AASDHPPT: variants seen among roughly 807,000 people sequenced by gnomAD.
The protein encoded by AASDHPPT is L-aminoadipate-semialdehyde dehydrogenase-phosphopantetheinyl transferase.
Under a neutral mutation model 36.4 loss-of-function variants are expected in AASDHPPT, and 23 were observed. The observed-to-expected ratio is 0.63, with a 90% CI of 0.45 to 0.89. The LOEUF (loss-of-function observed/expected upper bound fraction) is 0.89. Ranked by LOEUF, AASDHPPT falls within the 40% of genes least tolerant of loss-of-function variation. AASDHPPT has a pLI of 0.00. For synonymous variants in AASDHPPT, 115 were observed against 128.0 expected (o/e 0.90, Z 0.68); for missense variants, 377 against 378.2 (o/e 1.00, Z 0.03).
intron 2 of AASDHPPT, among the ~76,000 whole-genome samples, chr11:106,082,462 A>G (rs191943913): frequency 6.6e-6 from 1 of 152,200 alleles, no homozygotes; most frequent in Non-Finnish European, 1.5e-5. Context: ...TCTGTTTTGT[A>G]CTAGGCATTG....
At chr11:106,085,353 G>A (rs550834367) in intron 2 of AASDHPPT, among the ~76,000 whole-genome samples, 1 of 152,040 alleles carries the variant, frequency 6.6e-6, no homozygotes, top group African/African-American at 2.4e-5. Context: ...TACCCGCCTC[G>A]GCCTCCCAAA....
chr11:106,082,594 AG>A (rs1305620280), intron 2 of AASDHPPT, among the ~76,000 whole-genome samples: 1 of 152,092 alleles, frequency 6.6e-6, no homozygotes, highest in Non-Finnish European at 1.5e-5. Context: ...GAACTCAGAG[AG>A]TCTTTTTCTT....
chr11:106,088,765 C>A (rs1255936247), intron 2 of AASDHPPT, among the ~76,000 whole-genome samples: 1 of 151,868 alleles, frequency 6.6e-6, no homozygotes, highest in Non-Finnish European at 1.5e-5. Context: ...GATCCATGGC[C>A]CCAAAAGGGG....
Position 106,077,771 on chromosome 11 carries a change from T to C in AASDHPPT, c.61T>C (p.Phe21Leu). The change falls in exon 1 of 6, where the codon TTT becomes CTT. Residue 21 changes from phenylalanine (F) to leucine (L), a missense_variant. Coordinates refer to ENST00000278618, the MANE Select transcript of AASDHPPT (RefSeq NM_015423.3). ...VPSMEGVRWA[F>L]SCGTWLPSRA... ...ATCCATGGAGGGCGTGCGCTGGGCCTTTTCCTGCGGCACTTGGCTGCCGAG... is the reference window on the plus strand; with the variant it reads ...ATCCATGGAGGGCGTGCGCTGGGCCCTTTCCTGCGGCACTTGGCTGCCGAG... 6.2e-7 allele frequency: 1 copy of C among 1,614,066 alleles called. No individual in the cohort carries two copies. Among genetic ancestry groups the C allele is most frequent in the Non-Finnish European group, 8.5e-7 (1 of 1,179,948 alleles).
At chr11:106,081,831 G>A (rs1861144443) in intron 2 of AASDHPPT, among the ~76,000 whole-genome samples, 1 of 151,876 alleles carries the variant, frequency 6.6e-6, no homozygotes, top group Non-Finnish European at 1.5e-5. Context: ...ACACAGGAAG[G>A]GGAACATCAC....
chr11:106,088,148 C>G (rs147929753), intron 2 of AASDHPPT, among the ~76,000 whole-genome samples: 20 of 151,964 alleles, frequency 1.3e-4, no homozygotes, highest in Admixed American at 1.3e-4. Flanking sequence ...GCACTCGTAT[C>G]GGATATTTTT....
chr11:106,087,272 G>A (rs1434772450), intron 2 of AASDHPPT, among the ~76,000 whole-genome samples: 2 of 152,082 alleles, frequency 1.3e-5, no homozygotes, highest in Admixed American at 1.3e-4. Context: ...GTTATTCTAG[G>A]TTTTTGTCTG....
chr11:106,096,715 A>G, intron 5 of AASDHPPT, 28 bp from the exon 6 acceptor site: 1 of 1,536,776 alleles, frequency 6.5e-7, no homozygotes. Context: ...GCAATATAAC[A>G]ATAAGGTAAT....
At chr11:106,094,734 T>TGA in intron 5 of AASDHPPT, 80 bp downstream of exon 5, 1 of 1,103,670 alleles carries the variant, frequency 9.1e-7, no homozygotes, top group South Asian at 1.6e-5. Context: ...AAATAGTCAT[T>TGA]TGCCTTATAT....
At chr11:106,083,813 T>C (rs2135038215) in intron 2 of AASDHPPT, among the ~76,000 whole-genome samples, 1 of 152,248 alleles carries the variant, frequency 6.6e-6, no homozygotes, top group Non-Finnish European at 1.5e-5. Context: ...GGACAAAATA[T>C]AGTTGACTAT....
Position 106,077,834 on chromosome 11 carries a change from C to A in AASDHPPT, c.124C>A (p.Pro42Thr). 6.2e-7 allele frequency: 1 copy of A among 1,614,170 alleles called. No homozygotes were observed. The highest frequency in any genetic ancestry group is 8.5e-7 in the Non-Finnish European group (1 of 1,180,004). Reference sequence around the variant, plus strand: ...GCTGCTGGCAGTGCGATCGATTCAGCCCGAGGAGAAGGAGCGCATTGGCCA... The same window carrying A: ...GCTGCTGGCAGTGCGATCGATTCAGACCGAGGAGAAGGAGCGCATTGGCCA... ...EWLLAVRSIQ[P>T]EEKERIGQFV... The change falls in exon 1 of 6, where the codon CCC becomes ACC. Residue 42 changes from proline to threonine, a missense_variant. Coordinates refer to ENST00000278618, the MANE Select transcript of AASDHPPT (RefSeq NM_015423.3).
chr11:106,097,348 C>T lies in AASDHPPT; in HGVS notation c.*441C>T, dbSNP rs1396592509. The T allele has an allele frequency of 6.1e-6, 1 of 163,162 alleles. No homozygotes were observed. The highest frequency in any genetic ancestry group is 1.3e-5 in the Non-Finnish European group (1 of 76,046). 10.1% of individuals were successfully genotyped at this position (163,162 alleles called of 1,614,324 possible). On this transcript the variant is annotated 3_prime_UTR_variant, in exon 6 of 6. Coordinates refer to ENST00000278618, the MANE Select transcript of AASDHPPT (RefSeq NM_015423.3). ...GTTTTGTAAATTCTTTTTAACTGCA[C>T]ATCTACTGTTCATAAATATACCTCT...
chr11:106,098,138 C>T lies in AASDHPPT; in HGVS notation c.*1231C>T, dbSNP rs2135048244. The T allele has an allele frequency of 6.6e-6, 1 of 152,064 alleles. No homozygotes were observed. The highest frequency in any genetic ancestry group is 1.9e-4 in the East Asian group (1 of 5,172). The allele number at this position is 152,064 out of a possible 1,614,324, so 9.4% of individuals were successfully genotyped here. A position where few individuals can be genotyped will look rare whatever the true frequency, so the allele number is the denominator to read the frequency against. ...TACTCCTTGGTCAATTGTAGGTATT[C>T]TTTTTGGTTTAATTTTTGCCAATGT... On this transcript the variant is annotated 3_prime_UTR_variant, in exon 6 of 6. Transcript: ENST00000278618.
In AASDHPPT at chr11:106,077,745, C is replaced by T. The variant is rs370780651; in HGVS notation, c.35C>T (p.Pro12Leu). ...CCTGCCAAACGGTTCTGCTTGGTGC[C>T]ATCCATGGAGGGCGTGCGCTGGGCC... ...VFPAKRFCLV[P>L]SMEGVRWAFS... Residue 12 changes from proline to leucine, a missense_variant, in exon 1 of 6, where the codon CCA (proline) becomes CTA (leucine). Coordinates refer to ENST00000278618, the MANE Select transcript of AASDHPPT (RefSeq NM_015423.3). 2.7e-5 allele frequency: 44 copies of T among 1,614,008 alleles called. No individual in the cohort carries two copies. The highest frequency in any genetic ancestry group is 2.5e-4 in the African/African-American group (19 of 74,936).
At chr11:106,088,352 GAC>G (rs1365333647) in intron 2 of AASDHPPT, among the ~76,000 whole-genome samples, 2 of 151,960 alleles carry the variant, frequency 1.3e-5, no homozygotes, top group African/African-American at 2.4e-5. Flanking sequence ...CAAGCAGAAT[GAC>G]ACTATAGATG....
intron 2 of AASDHPPT, among the ~76,000 whole-genome samples, chr11:106,086,619 A>T (rs1861200840): frequency 6.6e-6 from 1 of 152,170 alleles, no homozygotes; most frequent in Non-Finnish European, 1.5e-5. Context: ...TTCTCAGCCC[A>T]TTCCAGCATT....
In AASDHPPT at chr11:106,077,709, G is replaced by C. The variant is rs1861070569; in HGVS notation, c.-2G>C. ...GATAGCGGCGAGGTCCGCTTTCAGT[G>C]TATGGTTTTCCCTGCCAAACGGTTC... On this transcript the variant is annotated 5_prime_UTR_variant, in exon 1 of 6. Coordinates refer to ENST00000278618, the MANE Select transcript of AASDHPPT (RefSeq NM_015423.3). 6.2e-7 allele frequency: 1 copy of C among 1,613,232 alleles called. No homozygotes were observed. Among genetic ancestry groups the C allele is most frequent in the African/African-American group, 1.3e-5 (1 of 75,048 alleles).
chr11:106,081,906 T>G (rs554935387), intron 2 of AASDHPPT, among the ~76,000 whole-genome samples: 1 of 152,054 alleles, frequency 6.6e-6, no homozygotes, highest in African/African-American at 2.4e-5. Context: ...CACCTAATGC[T>G]AAATGATGAG....
intron 1 of AASDHPPT, 92 bp downstream of exon 1, chr11:106,077,985 C>A: frequency 6.9e-7 from 1 of 1,446,248 alleles, no homozygotes; most frequent in East Asian, 2.4e-5. Flanking sequence ...CCCGCGCTGG[C>A]CGCGACCCTC....
Sources: allele counts gnomAD v4.1 joint callset (sites outside exome capture counted in the v4.1 genomes callset), GRCh38; gene constraint gnomAD v4.1.1; transcripts MANE v1.5; gene names NCBI Gene and HGNC (gene_info 2026-07-23, HGNC 2026-07-21).